Variants in PTPN2 observed in about 807,000 individuals in gnomAD.
PTPN2 encodes the protein tyrosine-protein phosphatase non-receptor type 2.
A neutral mutation model predicts 57.3 loss-of-function variants in PTPN2; 19 were observed. The ratio of observed to expected loss-of-function variants is 0.33; its 90% confidence interval spans 0.23 to 0.49. The LOEUF (loss-of-function observed/expected upper bound fraction) is 0.49, where lower values mean the gene tolerates loss of function less well. Ranked by LOEUF, PTPN2 falls within the 20% of genes least tolerant of loss-of-function variation. The probability of loss-of-function intolerance (pLI) is 0.99; values close to 1 mark genes in which losing one functional copy is unlikely to be tolerated. For synonymous variants in PTPN2, 153 were observed against 164.9 expected (o/e 0.93, Z 0.55); for missense variants, 358 against 501.1 (o/e 0.71, Z 2.73).
At chr18:12,877,045 G>T (rs1325316656) in intron 1 of PTPN2, among the ~76,000 whole-genome samples, 1 of 152,314 alleles carries the variant, frequency 6.6e-6, no homozygotes, top group East Asian at 1.9e-4. Context: ...GACACTAGCA[G>T]ATATTGTAAC....
At chr18:12,871,921 G>T (rs750651281) in intron 1 of PTPN2, among the ~76,000 whole-genome samples, 16 of 151,928 alleles carry the variant, frequency 1.1e-4, no homozygotes, top group Non-Finnish European at 1.8e-4. Context: ...GGTGGTGCAC[G>T]CCTGTAATCC....
chr18:12,857,841 G>C (rs1210141263), intron 2 of PTPN2, among the ~76,000 whole-genome samples: 7 of 152,040 alleles, frequency 4.6e-5, no homozygotes, highest in African/African-American at 1.7e-4. Flanking sequence ...ACTTCTAACT[G>C]GTAGTAAAGA....
At chr18:12,859,424 G>A (rs541904298) in intron 1 of PTPN2, among the ~76,000 whole-genome samples, 170 bp from the exon 2 acceptor site, 2 of 152,116 alleles carry the variant, frequency 1.3e-5, no homozygotes, top group African/African-American at 4.8e-5. Flanking sequence ...TAATGGAAAC[G>A]ATTTTCTTCC....
intron 7 of PTPN2, among the ~76,000 whole-genome samples, chr18:12,804,363 T>C (rs1325351400): frequency 1.1e-5 from 1 of 91,060 alleles, no homozygotes; most frequent in African/African-American, 4.2e-5. Context: ...AACTAGAAAA[T>C]AATAAACTAA....
At chr18:12,822,222 A>G (rs1002456017) in intron 5 of PTPN2, among the ~76,000 whole-genome samples, 1 of 152,292 alleles carries the variant, frequency 6.6e-6, no homozygotes, top group African/African-American at 2.4e-5. Flanking sequence ...TTTTGAACCA[A>G]ATCCCAGCTA....
intron 3 of PTPN2, among the ~76,000 whole-genome samples, chr18:12,835,707 T>C (rs1207290948): frequency 3.3e-5 from 5 of 152,098 alleles, no homozygotes; most frequent in Non-Finnish European, 1.5e-5. Flanking sequence ...TGACTGTATT[T>C]CTCTAAGTAG....
chr18:12,810,989 C>A (rs952533299), intron 7 of PTPN2, among the ~76,000 whole-genome samples: 10 of 152,150 alleles, frequency 6.6e-5, no homozygotes, highest in African/African-American at 2.2e-4. Context: ...CAATCCAAAT[C>A]TTTTATAGTG....
At chr18:12,799,550 C>G (rs2041328466) in intron 8 of PTPN2, among the ~76,000 whole-genome samples, 1 of 151,770 alleles carries the variant, frequency 6.6e-6, no homozygotes, top group Admixed American at 6.6e-5. Flanking sequence ...TTCAGAGTAA[C>G]CTTTACTTCA....
At chr18:12,787,148 T>C (rs2145195434) in intron 9 of PTPN2, 1 of 152,368 alleles carries the variant, frequency 6.6e-6, no homozygotes. Flanking sequence ...CACAAAGTTT[T>C]TTAAATGTGC....
chr18:12,873,478 CG>C (rs2145524300), intron 1 of PTPN2, among the ~76,000 whole-genome samples: 1 of 152,262 alleles, frequency 6.6e-6, no homozygotes, highest in East Asian at 1.9e-4. Context: ...TTGGGGGAGA[CG>C]GGGTTTCGCT....
intron 1 of PTPN2, among the ~76,000 whole-genome samples, chr18:12,860,175 G>C (rs2043745601): frequency 1.3e-5 from 2 of 152,142 alleles, no homozygotes; most frequent in African/African-American, 4.8e-5. Context: ...TGTAATCCCA[G>C]CTACTCGGGA....
intron 1 of PTPN2, among the ~76,000 whole-genome samples, chr18:12,859,830 A>T (rs1001521686): frequency 6.7e-6 from 1 of 150,004 alleles, no homozygotes; most frequent in African/African-American, 2.5e-5. Context: ...ACTTCTCCTT[A>T]AAAAAAAAAT....
chr18:12,818,987 G>C, intron 5 of PTPN2: 1 of 248,668 alleles, frequency 4.0e-6, no homozygotes, highest in East Asian at 8.8e-5. Flanking sequence ...CCAGCTACTT[G>C]GGAGGCTGAG....
At chr18:12,869,678 T>C (rs1010216428) in intron 1 of PTPN2, among the ~76,000 whole-genome samples, 4 of 152,192 alleles carry the variant, frequency 2.6e-5, no homozygotes, top group African/African-American at 4.8e-5. Flanking sequence ...ACTTAGGAAA[T>C]TGAAAAAGAA....
At chr18:12,882,695 T>C (rs751782693) in intron 1 of PTPN2, among the ~76,000 whole-genome samples, 3 of 152,200 alleles carry the variant, frequency 2.0e-5, no homozygotes, top group African/African-American at 4.8e-5. Flanking sequence ...AAAACTTAGA[T>C]CCCTATTCTA....
intron 1 of PTPN2, among the ~76,000 whole-genome samples, chr18:12,870,273 GTA>G (rs1555679401): frequency 3.1e-4 from 25 of 81,750 alleles, no homozygotes; most frequent in Admixed American, 1.3e-4. Flanking sequence ...ATATATATAT[GTA>G]TATATATACA....
At chr18:12,789,283 T>C (rs1377532660), downstream of PTPN2, among the ~76,000 whole-genome samples, 1 of 152,150 alleles carries the variant, frequency 6.6e-6, no homozygotes, top group Admixed American at 6.5e-5. Flanking sequence ...TGAAGATAGC[T>C]ATAAGGGAAA....
At chr18:12,808,194 A>G (rs1344944033) in intron 7 of PTPN2, among the ~76,000 whole-genome samples, 1 of 152,120 alleles carries the variant, frequency 6.6e-6, no homozygotes, top group Non-Finnish European at 1.5e-5. Flanking sequence ...CTCGAAAAAA[A>G]TTTATATACA....
At chr18:12,827,027 C>T (rs571525566) in intron 4 of PTPN2, among the ~76,000 whole-genome samples, 12 of 152,290 alleles carry the variant, frequency 7.9e-5, no homozygotes, top group African/African-American at 2.4e-4. Context: ...TTATCAAACT[C>T]TTGCAATAAT....
Sources: gnomAD v4.1 joint callset for allele counts (sites outside exome capture counted in the v4.1 genomes callset) on GRCh38, gnomAD v4.1.1 for gene constraint, MANE v1.5 for transcripts, NCBI Gene and HGNC (gene_info 2026-07-23, HGNC 2026-07-21) for gene names.